Variants in LRRC7 observed in about 807,000 individuals in gnomAD.
LRRC7 encodes leucine-rich repeat-containing protein 7.
In LRRC7, 23 loss-of-function variants were observed where a neutral mutation model predicts 175.7. That is an observed-to-expected ratio of 0.13 (90% CI 0.09 to 0.19). The LOEUF (loss-of-function observed/expected upper bound fraction) is 0.19. Among genes scored for constraint, LRRC7 ranks in the 10% least tolerant of loss-of-function variants. The pLI, the probability that LRRC7 is intolerant of heterozygous loss-of-function variation, is 1.00. For missense variants in LRRC7, 1,354 were observed against 1,904.7 expected (o/e 0.71, Z 5.38); for synonymous variants, 685 against 680.9 (o/e 1.01, Z -0.09).
At chr1:69,663,543 A>G (rs1364324271) in intron 1 of LRRC7, among the ~76,000 whole-genome samples, 3 of 152,032 alleles carry the variant, frequency 2.0e-5, no homozygotes, top group African/African-American at 7.2e-5. Flanking sequence ...TAGTCACTCT[A>G]TTGTACTAGC....
chr1:69,760,160 T>G (rs1397705345), intron 2 of LRRC7, 31 bp from the exon 3 acceptor site: 1 of 1,603,762 alleles, frequency 6.2e-7, no homozygotes, highest in Non-Finnish European at 8.5e-7. Context: ...GATAAGCTGT[T>G]TTGTTTTGTT....
intron 4 of LRRC7, among the ~76,000 whole-genome samples, chr1:69,795,441 T>C (rs895469593): frequency 2.0e-5 from 3 of 150,256 alleles, no homozygotes; most frequent in African/African-American, 4.9e-5. Context: ...AGGAACATAA[T>C]ACATCCTTTG....
At chr1:69,965,265 G>A (rs189431491) in intron 8 of LRRC7, among the ~76,000 whole-genome samples, 1 of 152,222 alleles carries the variant, frequency 6.6e-6, no homozygotes, top group Admixed American at 6.5e-5. Context: ...ACTTCATTTT[G>A]TTTGAGCTAT....
chr1:70,004,023 T>C (rs1655775324), intron 11 of LRRC7, among the ~76,000 whole-genome samples: 1 of 152,134 alleles, frequency 6.6e-6, no homozygotes. Context: ...ACTTTCTAAA[T>C]AGTGAAAAGG....
At chr1:69,701,900 G>A (rs1663402250) in intron 2 of LRRC7, among the ~76,000 whole-genome samples, 1 of 152,158 alleles carries the variant, frequency 6.6e-6, no homozygotes, top group African/African-American at 2.4e-5. Context: ...ACAAGCTAAA[G>A]GAAAGATTCC....
rs185321161 is a variant in LRRC7 at position 70,136,222 on chromosome 1, T to C, written c.*14335T>C. Among the ~76,000 whole-genome samples the C allele has an allele frequency of 3.4e-4, 51 of 151,842 alleles. No homozygotes were observed. The East Asian group carries it at 8.6e-3, about 26-fold the overall frequency. The stretch of plus-strand genomic sequence containing the variant: ...TAAACTACTCAAAGTGAAGGGACTA[T>C]ATTTTCTTCTTTTGCTTGGTCTTGC... On this transcript the variant is annotated 3_prime_UTR_variant, in exon 27 of 27. Transcript: ENST00000651989.
intron 1 of LRRC7, among the ~76,000 whole-genome samples, chr1:69,583,830 ATAT>A: frequency 6.6e-6 from 1 of 152,146 alleles, no homozygotes. Flanking sequence ...ACAAAGGGTG[ATAT>A]TATCCACACA....
intron 1 of LRRC7, among the ~76,000 whole-genome samples, chr1:69,670,194 G>A (rs537219705): frequency 2.0e-4 from 31 of 152,214 alleles, no homozygotes; most frequent in African/African-American, 7.5e-4. Context: ...AGCTGTCAAA[G>A]TCTGGGCTTG....
At chr1:69,574,124 G>A (rs193274790) in intron 1 of LRRC7, among the ~76,000 whole-genome samples, 24 of 152,218 alleles carry the variant, frequency 1.6e-4, no homozygotes, top group African/African-American at 2.4e-4. Context: ...GGGTGGGTCA[G>A]ATGAGGGAGA....
chr1:69,964,177 C>T (rs560228392), intron 8 of LRRC7, among the ~76,000 whole-genome samples: 1 of 152,244 alleles, frequency 6.6e-6, no homozygotes, highest in South Asian at 2.1e-4. Context: ...GTTTTTTATG[C>T]CTAAATCTCT....
At chr1:69,944,945 C>T in intron 8 of LRRC7, among the ~76,000 whole-genome samples, 1 of 151,934 alleles carries the variant, frequency 6.6e-6, no homozygotes, top group African/African-American at 2.4e-5. Context: ...ATACTTTCTC[C>T]CATTCCATAT....
chr1:69,881,120 T>C (rs1686559686), intron 7 of LRRC7, among the ~76,000 whole-genome samples: 1 of 152,222 alleles, frequency 6.6e-6, no homozygotes, highest in Non-Finnish European at 1.5e-5. Context: ...CAAGGTCTGC[T>C]TTCTTGAGCT....
At chr1:70,070,943 T>C (rs1662336406) in intron 23 of LRRC7, among the ~76,000 whole-genome samples, 1 of 152,182 alleles carries the variant, frequency 6.6e-6, no homozygotes, top group Admixed American at 6.5e-5. Context: ...TTGATGGGAA[T>C]GAATGCTGTG....
intron 1 of LRRC7, among the ~76,000 whole-genome samples, chr1:69,605,851 T>A (rs2101011610): frequency 6.6e-6 from 1 of 152,260 alleles, no homozygotes; most frequent in Middle Eastern, 3.4e-3. Flanking sequence ...CTACTTTGAC[T>A]AGATTATAGG....
Position 69,602,706 on chromosome 1 carries a change from T to C in LRRC7, c.2+34065T>C, listed in dbSNP as rs147692977. ...AAGCTCCGAGAATCAATCTGTTCCA[T>C]GCCTCTCTCCTAGCTGTTGGTGGCT... On this transcript the variant is annotated intron_variant, in intron 1 of 26. Coordinates refer to ENST00000651989, the MANE Select transcript of LRRC7 (RefSeq NM_001370785.2). Among the ~76,000 whole-genome samples, 13 of 152,290 alleles carry C rather than the reference T, an allele frequency of 8.5e-5. No individual in the cohort carries two copies. The East Asian group carries it at 2.5e-3, about 29-fold the overall frequency.
intron 4 of LRRC7, among the ~76,000 whole-genome samples, chr1:69,820,445 T>C (rs990191798): frequency 6.6e-6 from 1 of 152,188 alleles, no homozygotes; most frequent in Non-Finnish European, 1.5e-5. Flanking sequence ...GGTATACACG[T>C]GCCATGGTGG....
chr1:69,825,113 C>T (rs1203795244), intron 4 of LRRC7, among the ~76,000 whole-genome samples: 1 of 152,160 alleles, frequency 6.6e-6, no homozygotes, highest in African/African-American at 2.4e-5. Context: ...CAAGGGCAAT[C>T]AGCCAGGCTG....
chr1:69,937,642 T>G (rs1451479764), intron 8 of LRRC7, among the ~76,000 whole-genome samples: 1 of 152,066 alleles, frequency 6.6e-6, no homozygotes, highest in Non-Finnish European at 1.5e-5. Context: ...TACTCATCAA[T>G]TTTGGAAAAT....
At chr1:69,933,827 T>C (rs897019737) in intron 8 of LRRC7, among the ~76,000 whole-genome samples, 7 of 152,344 alleles carry the variant, frequency 4.6e-5, no homozygotes, top group African/African-American at 1.4e-4. Flanking sequence ...ATTTTAATAA[T>C]GTATGATTTA....
Sources: gnomAD v4.1 joint callset for allele counts (sites outside exome capture counted in the v4.1 genomes callset) on GRCh38, gnomAD v4.1.1 for gene constraint, MANE v1.5 for transcripts, NCBI Gene and HGNC (gene_info 2026-07-23, HGNC 2026-07-21) for gene names.